Variants in ABCG1 observed in about 807,000 individuals in gnomAD.
The protein encoded by ABCG1 is ATP-binding cassette sub-family G member 1.
In ABCG1, 29 loss-of-function variants were observed where a neutral mutation model predicts 69.2. The observed-to-expected ratio is 0.42, with a 90% CI of 0.31 to 0.57. The LOEUF (loss-of-function observed/expected upper bound fraction) is 0.57, where lower values mean the gene tolerates loss of function less well. Ranked by LOEUF, ABCG1 falls within the 20% of genes least tolerant of loss-of-function variation. ABCG1 has a pLI of 0.15. For missense variants in ABCG1, 718 were observed against 898.1 expected, an observed-to-expected ratio of 0.80 and a Z score of 2.56; for synonymous variants, 370 against 374.8, an observed-to-expected ratio of 0.99 and a Z score of 0.15.
At chr21:42,235,154 G>A (rs2067960677) in intron 2 of ABCG1, among the ~76,000 whole-genome samples, 2 of 152,232 alleles carry the variant, frequency 1.3e-5, no homozygotes, top group Non-Finnish European at 2.9e-5. Flanking sequence ...AGCGCTGGCA[G>A]TAGGAAGGGT....
At chr21:42,249,165 T>C (rs1358717917) in intron 2 of ABCG1, among the ~76,000 whole-genome samples, 1 of 152,058 alleles carries the variant, frequency 6.6e-6, no homozygotes, top group South Asian at 2.1e-4. Flanking sequence ...AAAACAAGGA[T>C]GTAATACCAT....
At chr21:42,267,655 G>T (rs1356902427) in intron 2 of ABCG1, among the ~76,000 whole-genome samples, 3 of 150,854 alleles carry the variant, frequency 2.0e-5, no homozygotes, top group Non-Finnish European at 3.0e-5. Flanking sequence ...TTCTGTCTGG[G>T]TCTGGTCTGA....
chr21:42,218,184 G>T (rs146451474), upstream of ABCG1, among the ~76,000 whole-genome samples: 1 of 152,214 alleles, frequency 6.6e-6, no homozygotes, highest in Non-Finnish European at 1.5e-5. Context: ...GTGTGGTTGG[G>T]AGGGGGGACC....
intron 1 of ABCG1, among the ~76,000 whole-genome samples, chr21:42,225,464 T>G (rs1169199384): frequency 6.6e-6 from 1 of 152,214 alleles, no homozygotes; most frequent in Non-Finnish European, 1.5e-5. Context: ...ACACTTTACC[T>G]TAAGCATTTT....
In ABCG1 at chr21:42,228,033, C is replaced by T. The variant is rs139104426; in HGVS notation, c.286+2119C>T. On this transcript the variant is annotated intron_variant, in intron 2 of 14. Coordinates refer to ENST00000398449, the MANE Select transcript of ABCG1 (RefSeq NM_016818.3). The stretch of plus-strand genomic sequence containing the variant: ...ATTTGGGTGGGGACACAGAGCCAAA[C>T]CACATCACCCAGTATGTGACTTGTC... Among the ~76,000 whole-genome samples, 708 of 152,266 alleles carry T rather than the reference C, an allele frequency of 4.6e-3. 4 individuals carry two copies. The highest frequency in any genetic ancestry group is 0.016 in the African/African-American group (657 of 41,528).
At chr21:42,286,587 G>A (rs2068944357) in intron 8 of ABCG1, among the ~76,000 whole-genome samples, 3 of 152,154 alleles carry the variant, frequency 2.0e-5, no homozygotes, top group South Asian at 4.1e-4. Context: ...AAGGTGGGAC[G>A]GGAGCCCCAG....
At chr21:42,261,109 C>G (rs2123690089) in intron 2 of ABCG1, among the ~76,000 whole-genome samples, 1 of 152,236 alleles carries the variant, frequency 6.6e-6, no homozygotes, top group East Asian at 1.9e-4. Context: ...GCATGAGTCA[C>G]CGTACCCGGC....
Position 42,282,350 on chromosome 21 carries a change from G to A in ABCG1, c.665G>A (p.Arg222His), listed in dbSNP as rs1294780786. 14 of 1,613,752 alleles carry A rather than the reference G, an allele frequency of 8.7e-6. No individual in the cohort carries two copies. Among genetic ancestry groups the A allele is most frequent in the East Asian group, 2.2e-5 (1 of 44,880 alleles). The change falls in exon 6 of 15, where the codon CGC becomes CAC. Residue 222 changes from arginine to histidine, a missense_variant. Around this residue, in one of 2 missense-constraint regions of ABCG1, gnomAD observed 514 missense variants for 574.3 expected, o/e 0.90. Transcript: ENST00000398449. ...TRTGSLSGGQ[R>H]KRLAIALELV... is the part of the protein sequence containing the mutation. ...ACCGGGAGCCTGTCAGGTGGTCAGC[G>A]CAAGCGCCTGGCCATCGCGCTGGAG... is the stretch of plus-strand genomic sequence containing the variant.
chr21:42,293,344 T>C (rs1400495434), intron 13 of ABCG1, among the ~76,000 whole-genome samples: 2 of 82,360 alleles, frequency 2.4e-5, no homozygotes, highest in South Asian at 4.1e-4. Flanking sequence ...CACTACACAC[T>C]ACCCACCACA....
chr21:42,276,736 TTGTGGCTAGCTGCAC>T lies in ABCG1; in HGVS notation c.538-153_538-139del. The T allele has an allele frequency of 1.5e-6, 1 of 687,418 alleles. No individual in the cohort carries two copies. The highest frequency in any genetic ancestry group is 2.5e-6 in the Non-Finnish European group (1 of 394,866). The allele number at this position is 687,418 out of a possible 1,614,324, so 42.6% of individuals were successfully genotyped here. ...GCTAGCTGCACCGTGGCTAGCGGCA[TTGTGGCTAGCTGCAC>T]TGTGGGTAGCTGCACCGTGGCTAGT... On this transcript the variant is annotated intron_variant, in intron 4 of 14. Transcript: ENST00000398449. The surrounding 1 kb of genome is among the most constrained non-coding windows in gnomAD (Gnocchi z 5.3).
intron 13 of ABCG1, among the ~76,000 whole-genome samples, chr21:42,292,271 T>G (rs2069077899): frequency 1.3e-5 from 2 of 152,104 alleles, no homozygotes; most frequent in South Asian, 4.1e-4. Context: ...TGCAGTGTAT[T>G]CCTGAGTCAC....
chr21:42,293,106 C>T (rs1601461120), intron 13 of ABCG1, among the ~76,000 whole-genome samples: 2 of 140,788 alleles, frequency 1.4e-5, no homozygotes, highest in South Asian at 2.4e-4. Context: ...ACACACGGTA[C>T]ACACCACACA....
chr21:42,262,425 T>G (rs916316388), intron 2 of ABCG1, among the ~76,000 whole-genome samples: 5 of 152,220 alleles, frequency 3.3e-5, no homozygotes, highest in African/African-American at 1.2e-4. Flanking sequence ...TCTCACTGCA[T>G]CAGCGCTGCC....
intron 5 of ABCG1, among the ~76,000 whole-genome samples, chr21:42,277,467 C>T: frequency 6.8e-6 from 1 of 146,720 alleles, no homozygotes; most frequent in East Asian, 1.9e-4. Context: ...TCCCTTTAGC[C>T]ATTTTTTTTT....
At chr21:42,200,657 C>T (rs573259142) in intron 1 of ABCG1, among the ~76,000 whole-genome samples, 7 of 148,960 alleles carry the variant, frequency 4.7e-5, no homozygotes, top group Admixed American at 2.7e-4. Context: ...GGCATGATCT[C>T]GGCTCACTGC....
At chr21:42,252,877 G>A (rs977080323) in intron 2 of ABCG1, among the ~76,000 whole-genome samples, 5 of 152,124 alleles carry the variant, frequency 3.3e-5, no homozygotes, top group Non-Finnish European at 7.4e-5. Flanking sequence ...CATCATCCCC[G>A]CCCAGGTGGT....
At chr21:42,254,324 T>A (rs1175500377) in intron 2 of ABCG1, among the ~76,000 whole-genome samples, 1 of 152,122 alleles carries the variant, frequency 6.6e-6, no homozygotes, top group Non-Finnish European at 1.5e-5. Context: ...GTCTGACAAA[T>A]TAAATCAGCT....
At chr21:42,204,895 G>C (rs2067531742) in intron 2 of ABCG1, among the ~76,000 whole-genome samples, 1 of 152,080 alleles carries the variant, frequency 6.6e-6, no homozygotes, top group Non-Finnish European at 1.5e-5. Context: ...GAATTGAGAA[G>C]TATTTCTTCC....
chr21:42,251,128 G>A (rs779970698), intron 2 of ABCG1, among the ~76,000 whole-genome samples: 15 of 152,332 alleles, frequency 9.8e-5, no homozygotes, highest in Non-Finnish European at 1.9e-4. Flanking sequence ...TACCCAGGAG[G>A]GAAGTGGGAT....
Sources: gnomAD v4.1 joint callset for allele counts (sites outside exome capture counted in the v4.1 genomes callset) on GRCh38, gnomAD v4.1.1 for gene constraint, gnomAD v4.1.1 regional missense constraint, Gnocchi (gnomAD v3.1) non-coding constraint, MANE v1.5 for transcripts, NCBI Gene and HGNC (gene_info 2026-07-23, HGNC 2026-07-21) for gene names.